CNTNAP2: variants seen among roughly 807,000 people sequenced by gnomAD.
The protein encoded by CNTNAP2 is contactin-associated protein-like 2.
A neutral mutation model predicts 155.2 loss-of-function variants in CNTNAP2; 98 were observed. That is an observed-to-expected ratio of 0.63 (90% CI 0.54 to 0.75). The LOEUF is 0.75. Ranked by LOEUF, CNTNAP2 falls within the 30% of genes least tolerant of loss-of-function variation. The probability of loss-of-function intolerance (pLI) is 0.00; values close to 1 mark genes in which losing one functional copy is unlikely to be tolerated. For synonymous variants in CNTNAP2, 651 were observed against 631.2 expected (o/e 1.03, Z -0.47); for missense variants, 1,727 against 1,688.1 (o/e 1.02, Z -0.40).
In CNTNAP2 at chr7:146,525,099, G is replaced by GA. The variant is rs202012805; in HGVS notation, c.98-249163dup. On this transcript the variant is annotated intron_variant, in intron 1 of 23. Coordinates refer to ENST00000361727, the MANE Select transcript of CNTNAP2 (RefSeq NM_014141.6). ...GTGGATCACAGCTATTGTTTTAGCT[G>GA]AAAAAAAAACGGAATAAGTTGATCA... Among the ~76,000 whole-genome samples, 512 of 148,586 alleles carry GA rather than the reference G, an allele frequency of 3.4e-3. 3 individuals carry two copies. The East Asian group carries it at 0.04, about 12-fold the overall frequency.
At chr7:147,147,106 C>G (rs142498795) in intron 8 of CNTNAP2, among the ~76,000 whole-genome samples, 1 of 152,060 alleles carries the variant, frequency 6.6e-6, no homozygotes, top group Non-Finnish European at 1.5e-5. Context: ...ATGGCAGAAG[C>G]GAAGGGGAAG....
In CNTNAP2 at chr7:146,359,546, G is replaced by A. The variant is rs532791727; in HGVS notation, c.97+242573G>A. Among the ~76,000 whole-genome samples, 154 of 152,260 alleles carry A rather than the reference G, an allele frequency of 1.0e-3. 1 individual carries two copies. Among genetic ancestry groups the A allele is most frequent in the Admixed American group, 2.2e-3 (34 of 15,298 alleles). On this transcript the variant is annotated intron_variant, in intron 1 of 23. Transcript: ENST00000361727. ...TGACAGATTGCCATGGCTGATTGCC[G>A]CTGCTCTTCACTCCAATGTTATTAT... is the stretch of plus-strand genomic sequence containing the variant.
At chr7:147,693,871 A>T (rs1796125005) in intron 13 of CNTNAP2, among the ~76,000 whole-genome samples, 1 of 151,994 alleles carries the variant, frequency 6.6e-6, no homozygotes. Context: ...TAGGACTTTC[A>T]GTACAGTATT....
intron 1 of CNTNAP2, among the ~76,000 whole-genome samples, chr7:146,135,100 A>G (rs539384872): frequency 6.6e-5 from 10 of 152,252 alleles, no homozygotes; most frequent in Non-Finnish European, 1.2e-4. Context: ...TAATGCTGAG[A>G]CTGATCTATG....
intron 3 of CNTNAP2, among the ~76,000 whole-genome samples, chr7:146,949,418 G>A (rs1584742808): frequency 1.3e-5 from 2 of 152,140 alleles, no homozygotes; most frequent in African/African-American, 2.4e-5. Flanking sequence ...ACAACCTCTC[G>A]TCTGATTTCT....
chr7:147,200,988 T>C (rs951575316), intron 8 of CNTNAP2, among the ~76,000 whole-genome samples: 1 of 152,172 alleles, frequency 6.6e-6, no homozygotes, highest in Non-Finnish European at 1.5e-5. Context: ...TTGGCATATT[T>C]TAGAAGAGTG....
At chr7:147,685,621 C>T (rs569239556) in intron 13 of CNTNAP2, among the ~76,000 whole-genome samples, 7 of 151,582 alleles carry the variant, frequency 4.6e-5, no homozygotes, top group Admixed American at 3.3e-4. Context: ...GATGACAAAT[C>T]GTCACCTTCT....
At chr7:146,143,149 C>T (rs573807844) in intron 1 of CNTNAP2, among the ~76,000 whole-genome samples, 4 of 152,320 alleles carry the variant, frequency 2.6e-5, no homozygotes, top group Admixed American at 6.5e-5. Flanking sequence ...GTGGCCCTCT[C>T]TGCACCTCCT....
intron 21 of CNTNAP2, among the ~76,000 whole-genome samples, chr7:148,357,850 G>T (rs1247494068): frequency 6.6e-6 from 1 of 152,198 alleles, no homozygotes; most frequent in Non-Finnish European, 1.5e-5. Context: ...GCATGTGTAT[G>T]TTTGTATGCA....
At chr7:146,759,422 C>T (rs897372038) in intron 1 of CNTNAP2, among the ~76,000 whole-genome samples, 27 of 152,040 alleles carry the variant, frequency 1.8e-4, no homozygotes, top group African/African-American at 5.8e-4. Flanking sequence ...AGGCCGGGCA[C>T]GGTGGCTCAC....
intron 21 of CNTNAP2, among the ~76,000 whole-genome samples, chr7:148,325,778 C>G (rs1447558054): frequency 2.0e-5 from 3 of 152,210 alleles, no homozygotes; most frequent in Non-Finnish European, 4.4e-5. Context: ...TCTCCTACCT[C>G]ATAGCACCCC....
chr7:148,353,578 C>T (rs1798464583), intron 21 of CNTNAP2, among the ~76,000 whole-genome samples: 1 of 152,158 alleles, frequency 6.6e-6, no homozygotes, highest in South Asian at 2.1e-4. Context: ...TACTAAAAAT[C>T]TCAGAATTAT....
At chr7:146,654,818 T>C (rs1203213718) in intron 1 of CNTNAP2, among the ~76,000 whole-genome samples, 1 of 152,166 alleles carries the variant, frequency 6.6e-6, no homozygotes, top group African/African-American at 2.4e-5. Flanking sequence ...TCATGAGTTC[T>C]GAAGTAAGTT....
At chr7:146,254,431 G>T (rs546868326) in intron 1 of CNTNAP2, among the ~76,000 whole-genome samples, 2 of 152,100 alleles carry the variant, frequency 1.3e-5, no homozygotes, top group Non-Finnish European at 2.9e-5. Context: ...CATACAGATC[G>T]TACCCAAGTA....
Position 147,041,427 on chromosome 7 carries a change from A to G in CNTNAP2, c.403-2480A>G, listed in dbSNP as rs535989948. On this transcript the variant is annotated intron_variant, in intron 3 of 23. Transcript: ENST00000361727. ...CCCATACAAAGCAAAATTTCAGCAT[A>G]ACTATCCCTGGACTCTGGGTCTTAT... Among the ~76,000 whole-genome samples, 178 of 152,244 alleles carry G rather than the reference A, an allele frequency of 1.2e-3. 1 individual carries two copies. Among genetic ancestry groups the G allele is most frequent in the African/African-American group, 4.0e-3 (165 of 41,558 alleles).
intron 13 of CNTNAP2, among the ~76,000 whole-genome samples, chr7:147,801,309 G>GTTTTTTTTTTTTTTTTTTATT (rs57750335): frequency 2.3e-5 from 3 of 130,386 alleles, no homozygotes; most frequent in Admixed American, 7.8e-5. Context: ...CTTCTATGAA[G>GTTTTTTTTTTTTTTTTTTATT]TTTTTTTTTT....
At chr7:146,291,171 T>G (rs945850348) in intron 1 of CNTNAP2, among the ~76,000 whole-genome samples, 15 of 152,176 alleles carry the variant, frequency 9.9e-5, no homozygotes, top group African/African-American at 3.6e-4. Context: ...GAAAGAAGTT[T>G]ATGAAACTTC....
At chr7:147,848,085 C>CA (rs1435992373) in intron 13 of CNTNAP2, among the ~76,000 whole-genome samples, 2 of 126,108 alleles carry the variant, frequency 1.6e-5, no homozygotes, top group African/African-American at 5.8e-5. Context: ...GTGGAGCCTA[C>CA]AGAGGCAGGC....
chr7:147,805,162 C>G (rs969468564), intron 13 of CNTNAP2, among the ~76,000 whole-genome samples: 1 of 151,742 alleles, frequency 6.6e-6, no homozygotes, highest in Non-Finnish European at 1.5e-5. Context: ...ACCTCCACCA[C>G]CCAGGTTCAA....
Sources: allele counts gnomAD v4.1 joint callset (sites outside exome capture counted in the v4.1 genomes callset), GRCh38; gene constraint gnomAD v4.1.1; transcripts MANE v1.5; gene names NCBI Gene and HGNC (gene_info 2026-07-23, HGNC 2026-07-21).